STYX: variants seen among roughly 807,000 people sequenced by gnomAD.
STYX encodes serine/threonine/tyrosine interacting protein.
Under a neutral mutation model 42.7 loss-of-function variants are expected in STYX, and 20 were observed. That is an observed-to-expected ratio of 0.47 (90% CI 0.33 to 0.68). The LOEUF is 0.68. STYX is among the 30% of genes least tolerant of loss of function. The probability of loss-of-function intolerance (pLI) is 0.02; values close to 1 mark genes in which losing one functional copy is unlikely to be tolerated. For synonymous variants in STYX, 78 were observed against 81.9 expected (o/e 0.95, Z 0.26); for missense variants, 226 against 268.5 (o/e 0.84, Z 1.11).
At chr14:52,746,589 C>A in intron 3 of STYX, 110 bp downstream of exon 3, 1 of 856,418 alleles carries the variant, frequency 1.2e-6, no homozygotes, top group South Asian at 1.7e-5. Flanking sequence ...CAAATACTGT[C>A]TGTTAACAGT....
chr14:52,761,661 C>T (rs1882100844), intron 9 of STYX, among the ~76,000 whole-genome samples: 1 of 150,324 alleles, frequency 6.7e-6, no homozygotes, highest in Non-Finnish European at 1.5e-5. Context: ...CTCCACCTCC[C>T]AGGTTCAAAC....
At chr14:52,765,390 T>C (rs12434497) in intron 9 of STYX, among the ~76,000 whole-genome samples, 5,144 of 152,262 alleles carry the variant, frequency 0.034, 125 homozygotes, top group Middle Eastern at 0.075. Context: ...GCTAATTTTA[T>C]ATTTTTAGAA....
At chr14:52,744,182 A>T (rs1394633580) in intron 1 of STYX, among the ~76,000 whole-genome samples, 1 of 152,144 alleles carries the variant, frequency 6.6e-6, no homozygotes, top group African/African-American at 2.4e-5. Context: ...AAGTTTTAAA[A>T]TATTTTTTAT....
chr14:52,745,700 T>G (rs1193685331), intron 2 of STYX, among the ~76,000 whole-genome samples: 1 of 152,204 alleles, frequency 6.6e-6, no homozygotes, highest in Non-Finnish European at 1.5e-5. Flanking sequence ...TTTCATACCA[T>G]TTACCGTCAA....
At position 52,734,816 on chromosome 14, in the gene STYX, C is replaced by G. The variant is rs571993133; in HGVS notation, c.57+4285C>G. On this transcript the variant is annotated intron_variant, in intron 1 of 10. Coordinates refer to ENST00000354586, the MANE Select transcript of STYX (RefSeq NM_145251.4). Reference sequence around the variant, plus strand: ...GTGGCTCACGCCTGTAATCCCAGCACTTTGGGAGGCCGAGGCGGACGGATC... The same window carrying G: ...GTGGCTCACGCCTGTAATCCCAGCAGTTTGGGAGGCCGAGGCGGACGGATC... 2.4e-4 allele frequency among the ~76,000 whole-genome samples: 36 copies of G among 152,288 alleles called. 1 individual carries two copies. The highest frequency in any genetic ancestry group is 6.5e-5 in the Admixed American group (1 of 15,292).
chr14:52,765,106 ATTTTTC>A (rs1882251211), intron 9 of STYX, among the ~76,000 whole-genome samples: 1 of 152,230 alleles, frequency 6.6e-6, no homozygotes, highest in East Asian at 1.9e-4. Context: ...ATTGGAAAAT[ATTTTTC>A]TTTTGCCCTT....
chr14:52,751,177 T>C (rs1369240623), intron 4 of STYX, among the ~76,000 whole-genome samples: 1 of 152,166 alleles, frequency 6.6e-6, no homozygotes, highest in Non-Finnish European at 1.5e-5. Flanking sequence ...TTTATGAGCA[T>C]AGTCTTATAG....
intron 4 of STYX, among the ~76,000 whole-genome samples, chr14:52,755,127 T>TTG (rs1555359517): frequency 1.3e-5 from 2 of 150,628 alleles, no homozygotes; most frequent in East Asian, 1.9e-4. Flanking sequence ...TTTTGTTTTT[T>TTG]TTTTTTTGTT....
intron 1 of STYX, among the ~76,000 whole-genome samples, chr14:52,742,614 C>G (rs1164535510): frequency 6.6e-6 from 1 of 152,120 alleles, no homozygotes; most frequent in African/African-American, 2.4e-5. Context: ...AAAGGCATTT[C>G]AGTGTGCTGA....
intron 1 of STYX, among the ~76,000 whole-genome samples, chr14:52,742,679 CAAAA>C (rs1329986054): frequency 6.6e-6 from 1 of 151,820 alleles, no homozygotes; most frequent in East Asian, 1.9e-4. Context: ...AGAAATGAAA[CAAAA>C]AGTGGATTGG....
chr14:52,739,058 A>T (rs1283662733), intron 1 of STYX, among the ~76,000 whole-genome samples: 1 of 142,670 alleles, frequency 7.0e-6, no homozygotes, highest in Non-Finnish European at 1.5e-5. Context: ...CGTTTAGTTT[A>T]TTTCATAGAC....
At chr14:52,752,506 A>G (rs1881660463) in intron 4 of STYX, among the ~76,000 whole-genome samples, 1 of 152,172 alleles carries the variant, frequency 6.6e-6, no homozygotes, top group South Asian at 2.1e-4. Context: ...TATTTTTACA[A>G]TGAAACCAAT....
intron 5 of STYX, among the ~76,000 whole-genome samples, chr14:52,756,915 G>A (rs1056260646): frequency 1.3e-5 from 2 of 151,908 alleles, no homozygotes; most frequent in African/African-American, 4.8e-5. Context: ...TCAAATTCTC[G>A]ACCTCAGGTG....
chr14:52,730,512 A>G lies in STYX; in HGVS notation c.38A>G (p.Gln13Arg). ...DVKLEFPSLPQCKEDAEEWTY... is the reference protein window; with the variant it reads ...DVKLEFPSLPRCKEDAEEWTY... ...AAGCTGGAGTTCCCTTCCCTTCCACAGTGCAAGGAAGACGCCGAGGTGAGT... is the reference window on the plus strand; with the variant it reads ...AAGCTGGAGTTCCCTTCCCTTCCACGGTGCAAGGAAGACGCCGAGGTGAGT... Residue 13 changes from glutamine to arginine, a missense_variant, in exon 1 of 11, where the codon CAG becomes CGG. By Grantham distance (43) the Gln-to-Arg change is conservative. Transcript: ENST00000354586. 6.2e-7 allele frequency: 1 copy of G among 1,613,598 alleles called. No homozygotes were observed.
At chr14:52,766,656 G>A (rs1381990796) in intron 9 of STYX, among the ~76,000 whole-genome samples, 2 of 152,140 alleles carry the variant, frequency 1.3e-5, no homozygotes, top group Non-Finnish European at 2.9e-5. Context: ...CTGAGTCACA[G>A]TGTGCCCTTA....
chr14:52,730,362 T>C lies in STYX; in HGVS notation c.-113T>C, dbSNP rs1437351015. 1.9e-6 allele frequency: 2 copies of C among 1,069,860 alleles called. No individual in the cohort carries two copies. The highest frequency in any genetic ancestry group is 2.6e-5 in the East Asian group (1 of 39,006). The allele number at this position is 1,069,860 out of a possible 1,614,324, so 66.3% of individuals were successfully genotyped here. On this transcript the variant is annotated 5_prime_UTR_variant, in exon 1 of 11. Transcript: ENST00000354586. Reference sequence around the variant, plus strand: ...GTTAGTTGTAATCCCGCCGCCCTCCTGTCAGCCCTCCGCTCCGCCGGCCCT... The same window carrying C: ...GTTAGTTGTAATCCCGCCGCCCTCCCGTCAGCCCTCCGCTCCGCCGGCCCT...
intron 2 of STYX, among the ~76,000 whole-genome samples, chr14:52,745,223 T>C (rs1203776426): frequency 1.3e-5 from 2 of 151,324 alleles, no homozygotes; most frequent in Non-Finnish European, 2.9e-5. Flanking sequence ...CGGGTTCAAG[T>C]GATTCTCCTG....
Position 52,760,396 on chromosome 14 carries a change from C to T in STYX, c.504+642C>T, listed in dbSNP as rs542945024. On this transcript the variant is annotated intron_variant, in intron 9 of 10. Transcript: ENST00000354586. ...ACTAACTATAACAGCTTTTTCTATTCTATGTTTATCTTTTCCATGTTGTTT... is the reference window on the plus strand; with the variant it reads ...ACTAACTATAACAGCTTTTTCTATTTTATGTTTATCTTTTCCATGTTGTTT... 1.1e-4 allele frequency among the ~76,000 whole-genome samples: 17 copies of T among 152,108 alleles called. 1 individual carries two copies. In the South Asian group the frequency reaches 3.3e-3, roughly 30 times the overall value.
At chr14:52,767,389 A>G (rs1307637144) in intron 9 of STYX, among the ~76,000 whole-genome samples, 1 of 152,132 alleles carries the variant, frequency 6.6e-6, no homozygotes, top group Non-Finnish European at 1.5e-5. Flanking sequence ...ATTTTCTTTG[A>G]TTAATTTGTT....
Sources: allele counts gnomAD v4.1 joint callset (sites outside exome capture counted in the v4.1 genomes callset), GRCh38; gene constraint gnomAD v4.1.1; transcripts MANE v1.5; gene names NCBI Gene and HGNC (gene_info 2026-07-23, HGNC 2026-07-21).